Variants in KCNJ3 observed in about 807,000 individuals in gnomAD.
KCNJ3 encodes G protein-activated inward rectifier potassium channel 1.
A neutral mutation model predicts 39.2 loss-of-function variants in KCNJ3; 4 were observed. That is an observed-to-expected ratio of 0.10 (90% CI 0.05 to 0.23). KCNJ3 has a LOEUF of 0.23. KCNJ3 is among the 10% of genes least tolerant of loss of function. The pLI is 1.00. For missense variants in KCNJ3, 276 were observed against 634.9 expected (o/e 0.43, Z 6.08); for synonymous variants, 230 against 237.4 (o/e 0.97, Z 0.29).
At chr2:154,784,144 T>C (rs945667431) in intron 2 of KCNJ3, among the ~76,000 whole-genome samples, 1 of 152,214 alleles carries the variant, frequency 6.6e-6, no homozygotes, top group Non-Finnish European at 1.5e-5. Context: ...GAATTGATAA[T>C]GTTAACTCAA....
At chr2:154,740,138 T>G (rs1685626852) in intron 2 of KCNJ3, among the ~76,000 whole-genome samples, 1 of 152,088 alleles carries the variant, frequency 6.6e-6, no homozygotes, top group Non-Finnish European at 1.5e-5. Flanking sequence ...TTAACAATTT[T>G]TGTTATCACA....
At chr2:154,849,151 C>T (rs1687713760) in intron 2 of KCNJ3, among the ~76,000 whole-genome samples, 1 of 152,112 alleles carries the variant, frequency 6.6e-6, no homozygotes, top group African/African-American at 2.4e-5. Context: ...CCCTCTGTGA[C>T]TCAGTTTCCA....
intron 2 of KCNJ3, among the ~76,000 whole-genome samples, chr2:154,741,425 C>T (rs1000407003): frequency 7.6e-5 from 9 of 117,726 alleles, no homozygotes; most frequent in African/African-American, 3.2e-4. Flanking sequence ...TATAGTGTTG[C>T]ATTTTGATGA....
chr2:154,752,517 A>C (rs947743607), intron 2 of KCNJ3, among the ~76,000 whole-genome samples: 1 of 152,036 alleles, frequency 6.6e-6, no homozygotes, highest in Non-Finnish European at 1.5e-5. Flanking sequence ...TTTACTAAAA[A>C]TTATTTATAT....
chr2:154,705,582 C>G (rs2105148074), intron 1 of KCNJ3, among the ~76,000 whole-genome samples: 1 of 151,936 alleles, frequency 6.6e-6, no homozygotes, highest in Non-Finnish European at 1.5e-5. Context: ...GTATAAATGA[C>G]TATAAAATGT....
chr2:154,735,511 C>T (rs1036829151), intron 2 of KCNJ3, among the ~76,000 whole-genome samples: 3 of 152,132 alleles, frequency 2.0e-5, no homozygotes, highest in Non-Finnish European at 2.9e-5. Context: ...AATTATGTGG[C>T]AGCTTTTCTC....
At chr2:154,771,898 C>A (rs1247756608) in intron 2 of KCNJ3, among the ~76,000 whole-genome samples, 1 of 152,084 alleles carries the variant, frequency 6.6e-6, no homozygotes, top group Non-Finnish European at 1.5e-5. Flanking sequence ...CCCTGGAGTA[C>A]AATAGTGGTG....
At chr2:154,703,170 A>G (rs998863329) in intron 1 of KCNJ3, among the ~76,000 whole-genome samples, 2 of 152,070 alleles carry the variant, frequency 1.3e-5, no homozygotes, top group African/African-American at 4.8e-5. Context: ...CAAATTTATT[A>G]TCTCAATGCC....
chr2:154,807,846 G>T (rs186770924), intron 2 of KCNJ3, among the ~76,000 whole-genome samples: 3 of 152,184 alleles, frequency 2.0e-5, no homozygotes, highest in South Asian at 2.1e-4. Flanking sequence ...TGTGAGGAAG[G>T]CACCAGGGTG....
intron 2 of KCNJ3, among the ~76,000 whole-genome samples, chr2:154,750,662 A>AT: frequency 6.6e-6 from 1 of 151,854 alleles, no homozygotes; most frequent in East Asian, 1.9e-4. Context: ...CTTTCATACA[A>AT]TTTTTTCACC....
intron 2 of KCNJ3, among the ~76,000 whole-genome samples, chr2:154,770,390 C>G (rs1248056882): frequency 6.6e-6 from 1 of 151,940 alleles, no homozygotes; most frequent in Non-Finnish European, 1.5e-5. Context: ...CTCTTGGAAA[C>G]TGGGAGGAGC....
intron 2 of KCNJ3, among the ~76,000 whole-genome samples, chr2:154,744,848 G>C (rs1034723836): frequency 6.6e-6 from 1 of 151,618 alleles, no homozygotes; most frequent in Non-Finnish European, 1.5e-5. Flanking sequence ...CCATCTGCTT[G>C]CTTTGGATTT....
intron 2 of KCNJ3, among the ~76,000 whole-genome samples, chr2:154,765,845 T>A (rs1285043428): frequency 1.3e-5 from 2 of 152,198 alleles, no homozygotes; most frequent in African/African-American, 4.8e-5. Context: ...ATGTCATATC[T>A]TTGCAAAGGT....
intron 2 of KCNJ3, among the ~76,000 whole-genome samples, chr2:154,758,854 G>A (rs181583562): frequency 6.6e-6 from 1 of 152,292 alleles, no homozygotes; most frequent in Admixed American, 6.5e-5. Context: ...TGAACCAGTT[G>A]AGAACCCACT....
intron 2 of KCNJ3, among the ~76,000 whole-genome samples, chr2:154,796,295 G>C (rs893021298): frequency 2.6e-5 from 4 of 152,114 alleles, no homozygotes; most frequent in African/African-American, 9.7e-5. Context: ...AGACATTCAA[G>C]AGATTCTGTG....
At chr2:154,799,803 T>A (rs1686780382) in intron 2 of KCNJ3, among the ~76,000 whole-genome samples, 1 of 152,170 alleles carries the variant, frequency 6.6e-6, no homozygotes, top group African/African-American at 2.4e-5. Context: ...CTAATACTCA[T>A]CAGTGTTCTC....
intron 2 of KCNJ3, among the ~76,000 whole-genome samples, chr2:154,719,175 T>C (rs1488263439): frequency 6.6e-6 from 1 of 152,148 alleles, no homozygotes; most frequent in East Asian, 1.9e-4. Context: ...GTCCAGGAAA[T>C]GTGCATTTTT....
At chr2:154,744,844 G>C (rs1249555292) in intron 2 of KCNJ3, among the ~76,000 whole-genome samples, 1 of 151,582 alleles carries the variant, frequency 6.6e-6, no homozygotes, top group Non-Finnish European at 1.5e-5. Flanking sequence ...CTTTCCATCT[G>C]CTTGCTTTGG....
At chr2:154,750,076 A>G (rs560055705) in intron 2 of KCNJ3, among the ~76,000 whole-genome samples, 6 of 152,158 alleles carry the variant, frequency 3.9e-5, no homozygotes, top group Admixed American at 2.6e-4. Flanking sequence ...TAAAGCAAGT[A>G]TGTCCTCTTA....
Sources: gnomAD v4.1 joint callset for allele counts (sites outside exome capture counted in the v4.1 genomes callset) on GRCh38, gnomAD v4.1.1 for gene constraint, MANE v1.5 for transcripts, NCBI Gene and HGNC (gene_info 2026-07-23, HGNC 2026-07-21) for gene names.